The following ARHGDIB variants were observed in gnomAD, a reference collection of about 807,000 sequenced individuals.
ARHGDIB encodes rho GDP-dissociation inhibitor 2.
Under a neutral mutation model 22.6 loss-of-function variants are expected in ARHGDIB, and 20 were observed. That is an observed-to-expected ratio of 0.88 (90% CI 0.62 to 1.28). The LOEUF (loss-of-function observed/expected upper bound fraction) is 1.28, where lower values mean the gene tolerates loss of function less well. Among genes scored for constraint, ARHGDIB ranks in the 50% most tolerant of loss-of-function variants. The pLI, the probability that ARHGDIB is intolerant of heterozygous loss-of-function variation, is 0.00. For synonymous variants in ARHGDIB, 114 were observed against 96.1 expected (o/e 1.19, Z -1.09); for missense variants, 254 against 245.4 (o/e 1.04, Z -0.23).
intron 1 of ARHGDIB, among the ~76,000 whole-genome samples, chr12:14,953,840 TTTCTCTTTCTC>T (rs1357701975): frequency 1.5e-3 from 224 of 151,764 alleles, no homozygotes; most frequent in African/African-American, 5.3e-3. Flanking sequence ...TCTCTCTCTC[TTTCTCTTTCTC>T]TCTCTTTCTC....
At chr12:14,942,805 C>G in intron 5 of ARHGDIB, 84 bp from the exon 6 acceptor site, 1 of 1,203,772 alleles carries the variant, frequency 8.3e-7, no homozygotes, top group Non-Finnish European at 1.2e-6. Context: ...GGACTACAGC[C>G]TACAGTGATT....
chr12:14,956,358 G>A (rs1864301161), intron 1 of ARHGDIB: 1 of 152,188 alleles, frequency 6.6e-6, no homozygotes, highest in South Asian at 2.1e-4. Context: ...CGTGGCATGA[G>A]AGGATCTCTG....
chr12:14,950,926 T>C (rs577991839), intron 1 of ARHGDIB: 108 of 465,772 alleles, frequency 2.3e-4, no homozygotes, highest in African/African-American at 2.0e-3. Context: ...CCTGCCTGAA[T>C]TTCTCTGTAC....
chr12:14,951,939 A>G (rs1259727353), intron 1 of ARHGDIB, among the ~76,000 whole-genome samples: 1 of 152,094 alleles, frequency 6.6e-6, no homozygotes, highest in Non-Finnish European at 1.5e-5. Context: ...CCCTCTGGGA[A>G]GAATTTCAGG....
intron 4 of ARHGDIB, 58 bp downstream of exon 4, chr12:14,947,815 G>T: frequency 7.3e-7 from 1 of 1,361,194 alleles, no homozygotes; most frequent in Non-Finnish European, 1.0e-6. Context: ...AAGAAATGTA[G>T]TCACTGATTA....
At position 14,944,896 on chromosome 12, in the gene ARHGDIB, A is replaced by G. The variant is rs1212563896; in HGVS notation, c.343-57T>C. 6.7e-6 allele frequency: 10 copies of G among 1,488,758 alleles called. No individual in the cohort carries two copies. In the African/African-American group the frequency reaches 9.7e-5, roughly 14 times the overall value. The allele number at this position is 1,488,758 out of a possible 1,614,324, so 92.2% of individuals were successfully genotyped here. ...TTAAGAGGGTCTTTCATTTTTTCTC[A>G]TCTTTCATGCTGATCCTGCCTAGCT... On this transcript the variant is annotated intron_variant, in intron 4 of 5. Transcript: ENST00000228945.
At chr12:14,959,685 G>T (rs1306800169) in intron 1 of ARHGDIB, among the ~76,000 whole-genome samples, 1 of 152,130 alleles carries the variant, frequency 6.6e-6, no homozygotes, top group Non-Finnish European at 1.5e-5. Flanking sequence ...AGTGTCTACT[G>T]AAAACAGAAC....
intron 5 of ARHGDIB, among the ~76,000 whole-genome samples, chr12:14,944,433 C>T (rs556335668): frequency 1.3e-5 from 2 of 150,464 alleles, no homozygotes; most frequent in South Asian, 2.2e-4. Flanking sequence ...GGGTTTTGTA[C>T]CTGTGAACTG....
rs1165558712 is a variant in ARHGDIB, at chr12:14,950,686, A to C, written c.27T>G (p.His9Gln). 6.2e-7 allele frequency: 1 copy of C among 1,612,358 alleles called. No individual in the cohort carries two copies. Among genetic ancestry groups the C allele is most frequent in the East Asian group, 2.2e-5 (1 of 44,870 alleles). MTEKAPEPHVEEDDDDELD... is the reference protein window; with the variant it reads MTEKAPEPQVEEDDDDELD... The stretch of plus-strand genomic sequence containing the variant: ...GCTCATCATCGTCATCCTCCTCCAC[A>C]TGTGGCTCTGGGGCTTTTTCAGTCA... The change falls in exon 2 of 6, where the codon CAT (histidine) becomes CAG (glutamine). Residue 9 changes from histidine (H) to glutamine (Q), a missense_variant. Transcript: ENST00000228945.
rs1263575056 is a variant in ARHGDIB, at chr12:14,950,730, A to G, written c.-12-6T>C. 6.3e-7 allele frequency: 1 copy of G among 1,582,778 alleles called. No individual in the cohort carries two copies. The highest frequency in any genetic ancestry group is 2.2e-5 in the East Asian group (1 of 44,578). On this transcript the variant is annotated splice_region_variant and splice_polypyrimidine_tract_variant and intron_variant, in intron 1 of 5. Transcript: ENST00000228945. ...TCAGTCATTCTGATCTATTTCTGGGAGACAGAATGACAGCCCGTTAGTCAA... is the reference window on the plus strand; with the variant it reads ...TCAGTCATTCTGATCTATTTCTGGGGGACAGAATGACAGCCCGTTAGTCAA...
intron 1 of ARHGDIB, among the ~76,000 whole-genome samples, chr12:14,960,587 C>G (rs914607245): frequency 1.3e-5 from 2 of 152,194 alleles, no homozygotes; most frequent in Middle Eastern, 3.4e-3. Flanking sequence ...CACTGCAACC[C>G]CTGCCTCCTG....
At chr12:14,950,891 T>A in intron 1 of ARHGDIB, 167 bp from the exon 2 acceptor site, 1 of 557,762 alleles carries the variant, frequency 1.8e-6, no homozygotes, top group Non-Finnish European at 3.0e-6. Context: ...AATAATAATC[T>A]AATGTATTCT....
chr12:14,960,524 C>T (rs1483994217), intron 1 of ARHGDIB, among the ~76,000 whole-genome samples: 1 of 152,154 alleles, frequency 6.6e-6, no homozygotes, highest in Non-Finnish European at 1.5e-5. Flanking sequence ...ATTTTTTGAG[C>T]CAGAGTTTCG....
At chr12:14,953,695 G>A (rs999918949) in intron 1 of ARHGDIB, among the ~76,000 whole-genome samples, 2 of 152,030 alleles carry the variant, frequency 1.3e-5, no homozygotes, top group African/African-American at 4.8e-5. Flanking sequence ...GTGGACCCCT[G>A]AAGTCCTTTA....
intron 5 of ARHGDIB, among the ~76,000 whole-genome samples, chr12:14,944,097 G>A (rs1195055664): frequency 6.6e-6 from 1 of 151,448 alleles, no homozygotes; most frequent in Non-Finnish European, 1.5e-5. Context: ...TCTTGCCTCT[G>A]GAGGGGACAG....
At chr12:14,948,100 G>GTGCGCACACA in intron 3 of ARHGDIB, 151 bp from the exon 4 acceptor site, 1 of 436,272 alleles carries the variant, frequency 2.3e-6, no homozygotes, top group Non-Finnish European at 4.2e-6. Flanking sequence ...TTTAGTCCTT[G>GTGCGCACACA]CACACACACA....
intron 1 of ARHGDIB, among the ~76,000 whole-genome samples, chr12:14,952,338 C>T (rs1864197353): frequency 6.6e-6 from 1 of 151,054 alleles, no homozygotes; most frequent in Non-Finnish European, 1.5e-5. Context: ...AATTCTCTTC[C>T]ATCTAAATAA....
intron 2 of ARHGDIB, 75 bp from the exon 3 acceptor site, chr12:14,949,960 A>G: frequency 7.9e-7 from 1 of 1,264,308 alleles, no homozygotes; most frequent in Non-Finnish European, 1.1e-6. Flanking sequence ...CAAGTGGGAG[A>G]CAGAGAGTAT....
At position 14,942,266 on chromosome 12, in the gene ARHGDIB, A is replaced by C; in HGVS notation, c.*256T>G. ...GGGTAAGACAGGGAAATATTAAATG[A>C]TTGTGTACTGAGATGGAGACGTGGA... On this transcript the variant is annotated 3_prime_UTR_variant, in exon 6 of 6. Transcript: ENST00000228945. 1 of 505,032 alleles carries C rather than the reference A, an allele frequency of 2.0e-6. No individual in the cohort carries two copies. Among genetic ancestry groups the C allele is most frequent in the Non-Finnish European group, 3.6e-6 (1 of 277,984 alleles). The allele number at this position is 505,032 out of a possible 1,614,324, so 31.3% of individuals were successfully genotyped here.
Sources: allele counts gnomAD v4.1 joint callset (sites outside exome capture counted in the v4.1 genomes callset), GRCh38; gene constraint gnomAD v4.1.1; transcripts MANE v1.5; gene names NCBI Gene and HGNC (gene_info 2026-07-23, HGNC 2026-07-21).